COL4A1: variants seen among roughly 807,000 people sequenced by gnomAD.
COL4A1 encodes collagen type IV alpha 1 chain.
Under a neutral mutation model 216.6 loss-of-function variants are expected in COL4A1, and 40 were observed. That is an observed-to-expected ratio of 0.18 (90% CI 0.14 to 0.24). The LOEUF is 0.24. Ranked by LOEUF, COL4A1 falls within the 10% of genes least tolerant of loss-of-function variation. The pLI, the probability that COL4A1 is intolerant of heterozygous loss-of-function variation, is 1.00. For missense variants in COL4A1, 1,628 were observed against 2,196.8 expected, an observed-to-expected ratio of 0.74 and a Z score of 5.18; for synonymous variants, 839 against 810.7, an observed-to-expected ratio of 1.03 and a Z score of -0.59.
intron 2 of COL4A1, among the ~76,000 whole-genome samples, chr13:110,237,796 T>G (rs1881388382): frequency 6.6e-6 from 1 of 152,210 alleles, no homozygotes; most frequent in Non-Finnish European, 1.5e-5. Flanking sequence ...AGGTGTGACA[T>G]GGACATACAC....
intron 1 of COL4A1, among the ~76,000 whole-genome samples, chr13:110,279,502 C>T (rs1401400739): frequency 1.3e-5 from 2 of 152,078 alleles, no homozygotes; most frequent in African/African-American, 4.8e-5. Flanking sequence ...TGCTCAGTTC[C>T]CCATATCCTG....
chr13:110,219,712 G>GTATATATATA (rs1435829165), intron 2 of COL4A1, among the ~76,000 whole-genome samples: 1 of 107,842 alleles, frequency 9.3e-6, no homozygotes, highest in African/African-American at 3.8e-5. Flanking sequence ...ATATACATAT[G>GTATATATATA]TGTATATATA....
Position 110,166,288 on chromosome 13 carries a change from G to A in COL4A1, c.3965C>T (p.Pro1322Leu), listed in dbSNP as rs766927193. The A allele has an allele frequency of 1.2e-6, 2 of 1,611,448 alleles. No individual in the cohort carries two copies. Among genetic ancestry groups the A allele is most frequent in the South Asian group, 2.2e-5 (2 of 91,028 alleles). Reference protein sequence around the residue: ...VPGFQGPKGLPGLQGIKGDQG... With the variant: ...VPGFQGPKGLLGLQGIKGDQG... ...ATCACCTTTAATTCCCTGGAGGCCA[G>A]GAAGACCTTTTGGACCTAAAAGCAG... The change falls in exon 45 of 52, where the codon CCT (proline) becomes CTT (leucine). Residue 1322 changes from proline to leucine, a missense_variant. By Grantham distance (98) the Pro-to-Leu change is moderately conservative. Coordinates refer to ENST00000375820, the MANE Select transcript of COL4A1 (RefSeq NM_001845.6).
intron 17 of COL4A1, among the ~76,000 whole-genome samples, 183 bp downstream of exon 17, chr13:110,205,170 T>G (rs1879432499): frequency 6.6e-6 from 1 of 152,254 alleles, no homozygotes; most frequent in Admixed American, 6.5e-5. Context: ...ACATTTCATA[T>G]ATTTTTATTT....
chr13:110,155,311 G>A lies in COL4A1; in HGVS notation c.4727C>T (p.Ser1576Leu), dbSNP rs1188888218. Residue 1576 changes from serine (S) to leucine (L), a missense_variant, in exon 50 of 52, where the codon TCG becomes TTG. This residue lies in a region of COL4A1 where 254 missense variants were observed against 300.1 expected (regional missense o/e 0.85). Transcript: ENST00000375820. ...QIPPCPSGWS[S>L]LWIGYSFVMH... is the part of the protein sequence containing the mutation. Reference sequence around the variant, plus strand: ...CACAAAAGAGTAGCCGATCCACAGCGAGGACCACCCGCTGGGGCACGGTGG... The same window carrying A: ...CACAAAAGAGTAGCCGATCCACAGCAAGGACCACCCGCTGGGGCACGGTGG... 8.7e-6 allele frequency: 14 copies of A among 1,613,990 alleles called. No individual in the cohort carries two copies. Among genetic ancestry groups the A allele is most frequent in the Admixed American group, 1.7e-5 (1 of 60,018 alleles).
chr13:110,175,399 G>C, intron 36 of COL4A1, 42 bp from the exon 37 acceptor site: 4 of 1,612,884 alleles, frequency 2.5e-6, no homozygotes, highest in Non-Finnish European at 3.4e-6. Context: ...GGCTTAGCTA[G>C]TGCTGGTATT....
chr13:110,202,916 T>A (rs574429583), intron 18 of COL4A1, among the ~76,000 whole-genome samples: 152 of 152,294 alleles, frequency 1.0e-3, no homozygotes, highest in Admixed American at 2.0e-3. Context: ...CACGTTTTTT[T>A]AAAAAAGGTG....
intron 1 of COL4A1, among the ~76,000 whole-genome samples, chr13:110,254,463 A>T (rs1053039778): frequency 9.9e-5 from 15 of 152,096 alleles, no homozygotes; most frequent in Non-Finnish European, 1.6e-4. Flanking sequence ...CCCATGTTCT[A>T]TTTATCCCAC....
At chr13:110,167,843 T>C (rs1463662473) in intron 43 of COL4A1, among the ~76,000 whole-genome samples, 1 of 152,218 alleles carries the variant, frequency 6.6e-6, no homozygotes, top group Non-Finnish European at 1.5e-5. Flanking sequence ...ATGTAACAAG[T>C]TGTTTTATTT....
chr13:110,201,696 T>C, intron 18 of COL4A1, 174 bp from the exon 19 acceptor site: 1 of 767,174 alleles, frequency 1.3e-6, no homozygotes, highest in South Asian at 1.4e-5. Context: ...CTAAAACATA[T>C]GGGACAGGCC....
Position 110,169,621 on chromosome 13 carries a change from T to C in COL4A1, c.3876+8A>G. On this transcript the variant is annotated splice_region_variant and intron_variant, in intron 43 of 51. Transcript: ENST00000375820. ...TTAAAAATAAAAATCTACAAATCAA[T>C]AACTCACAGGCATGCCCTGGAATCC... is the stretch of plus-strand genomic sequence containing the variant. The C allele has an allele frequency of 6.2e-7, 1 of 1,613,490 alleles. No individual in the cohort carries two copies. The highest frequency in any genetic ancestry group is 8.5e-7 in the Non-Finnish European group (1 of 1,179,902).
At chr13:110,252,785 A>T (rs1882211668) in intron 1 of COL4A1, among the ~76,000 whole-genome samples, 1 of 119,608 alleles carries the variant, frequency 8.4e-6, no homozygotes, top group Non-Finnish European at 1.8e-5. Flanking sequence ...ACATATAATT[A>T]TAAGTATGTA....
At chr13:110,252,905 A>G (rs1365860282) in intron 1 of COL4A1, among the ~76,000 whole-genome samples, 3 of 16,532 alleles carry the variant, frequency 1.8e-4, no homozygotes, top group African/African-American at 6.2e-4. Context: ...TTACATATAC[A>G]GATAACTATA....
intron 1 of COL4A1, among the ~76,000 whole-genome samples, chr13:110,250,026 T>C (rs1171520909): frequency 6.6e-6 from 1 of 152,172 alleles, no homozygotes; most frequent in Non-Finnish European, 1.5e-5. Context: ...ATCCCAAAGA[T>C]GTGAAAATAA....
rs1489783593 is a variant in COL4A1, at chr13:110,200,901, AAG to A, written c.1085-14_1085-13del. 1 of 1,613,954 alleles carries A rather than the reference AAG, an allele frequency of 6.2e-7. No individual in the cohort carries two copies. Among genetic ancestry groups the A allele is most frequent in the East Asian group, 2.2e-5 (1 of 44,862 alleles). On this transcript the variant is annotated splice_polypyrimidine_tract_variant and intron_variant, in intron 19 of 51. Coordinates refer to ENST00000375820, the MANE Select transcript of COL4A1 (RefSeq NM_001845.6). ...TAGTCCTGGGAAACCTGAAAAGAGA[AAG>A]AGAGTGTTGGATCAAACAGAACAGT... is the stretch of plus-strand genomic sequence containing the variant.
chr13:110,169,318 G>T (rs1877494245), intron 43 of COL4A1, among the ~76,000 whole-genome samples: 1 of 152,136 alleles, frequency 6.6e-6, no homozygotes, highest in Non-Finnish European at 1.5e-5. Flanking sequence ...TTTGTAAATA[G>T]GTCTTAAATT....
chr13:110,269,256 A>G (rs1184514125), intron 1 of COL4A1, among the ~76,000 whole-genome samples: 2 of 152,238 alleles, frequency 1.3e-5, no homozygotes, highest in Non-Finnish European at 2.9e-5. Flanking sequence ...AGCATATGTT[A>G]AAACACCCTT....
chr13:110,269,260 C>T (rs2139287229), intron 1 of COL4A1, among the ~76,000 whole-genome samples: 1 of 152,264 alleles, frequency 6.6e-6, no homozygotes, highest in Non-Finnish European at 1.5e-5. Flanking sequence ...TATGTTAAAA[C>T]ACCCTTGTTT....
chr13:110,164,680 T>C (rs1358197363), intron 46 of COL4A1, among the ~76,000 whole-genome samples, 182 bp downstream of exon 46: 2 of 152,248 alleles, frequency 1.3e-5, no homozygotes, highest in African/African-American at 2.4e-5. Context: ...GGATTTTTTT[T>C]AGGTCCCTTT....
Sources: gnomAD v4.1 joint callset for allele counts (sites outside exome capture counted in the v4.1 genomes callset) on GRCh38, gnomAD v4.1.1 for gene constraint, gnomAD v4.1.1 regional missense constraint, MANE v1.5 for transcripts, NCBI Gene and HGNC (gene_info 2026-07-23, HGNC 2026-07-21) for gene names.